The following HPSE2 variants were observed in gnomAD, a reference collection of about 807,000 sequenced individuals.
The protein encoded by HPSE2 is inactive heparanase-2.
HPSE2 carries 38 observed loss-of-function variants against 60.5 expected under a neutral mutation model. The observed-to-expected ratio is 0.63, with a 90% confidence interval of 0.48 to 0.82. The LOEUF (loss-of-function observed/expected upper bound fraction) is 0.82, where lower values mean the gene tolerates loss of function less well. HPSE2 is among the 40% of genes least tolerant of loss of function. HPSE2 has a pLI of 0.00. For missense variants in HPSE2, 713 were observed against 740.4 expected, an observed-to-expected ratio of 0.96 and a Z score of 0.43; for synonymous variants, 295 against 293.2, an observed-to-expected ratio of 1.01 and a Z score of -0.06.
At chr10:99,188,462 G>A (rs1187131965) in intron 2 of HPSE2, among the ~76,000 whole-genome samples, 1 of 152,182 alleles carries the variant, frequency 6.6e-6, no homozygotes, top group Non-Finnish European at 1.5e-5. Flanking sequence ...AAGAGGAGGA[G>A]AAGGAACAGG....
chr10:98,690,646 T>C (rs1948054739), intron 6 of HPSE2, among the ~76,000 whole-genome samples: 1 of 152,192 alleles, frequency 6.6e-6, no homozygotes, highest in South Asian at 2.1e-4. Context: ...TACTTTCCTT[T>C]GGTTTCTGCC....
At chr10:98,544,555 C>CA (rs1223171789) in intron 9 of HPSE2, among the ~76,000 whole-genome samples, 26 of 150,526 alleles carry the variant, frequency 1.7e-4, no homozygotes, top group Admixed American at 1.5e-3. Flanking sequence ...CTAAAAAACA[C>CA]AAAAAAAATT....
At chr10:98,679,232 C>T (rs1947722975) in intron 6 of HPSE2, among the ~76,000 whole-genome samples, 1 of 152,182 alleles carries the variant, frequency 6.6e-6, no homozygotes, top group African/African-American at 2.4e-5. Context: ...AGATTCCCAT[C>T]CTCACTCTAC....
At chr10:98,533,409 T>A (rs897751790) in intron 9 of HPSE2, among the ~76,000 whole-genome samples, 1 of 152,226 alleles carries the variant, frequency 6.6e-6, no homozygotes, top group Non-Finnish European at 1.5e-5. Flanking sequence ...TGGAACACAG[T>A]GTTTATGTTT....
At chr10:99,104,181 A>G (rs900732307) in intron 3 of HPSE2, among the ~76,000 whole-genome samples, 1 of 152,226 alleles carries the variant, frequency 6.6e-6, no homozygotes, top group Non-Finnish European at 1.5e-5. Flanking sequence ...AGAAACTACC[A>G]TCAGAGTGAA....
At chr10:99,264,333 C>T in the HPSE2 span, among the ~76,000 whole-genome samples, 52 of 152,198 alleles carry the variant, frequency 3.4e-4, no homozygotes, top group South Asian at 2.3e-3. Flanking sequence ...GTGATCCGCC[C>T]GCCTCAGCCT....
At chr10:99,100,795 C>T (rs1843937490) in intron 3 of HPSE2, among the ~76,000 whole-genome samples, 2 of 152,148 alleles carry the variant, frequency 1.3e-5, no homozygotes, top group African/African-American at 4.8e-5. Flanking sequence ...GCAGATCTCT[C>T]GTCAGAAACT....
chr10:99,113,196 A>G (rs1053217671), intron 3 of HPSE2, among the ~76,000 whole-genome samples: 10 of 152,308 alleles, frequency 6.6e-5, no homozygotes, highest in African/African-American at 2.2e-4. Flanking sequence ...ATTCAATAAT[A>G]TTAGCTAATC....
intron 3 of HPSE2, among the ~76,000 whole-genome samples, chr10:99,106,044 T>A (rs1844235349): frequency 6.6e-6 from 1 of 152,108 alleles, no homozygotes; most frequent in Admixed American, 6.6e-5. Flanking sequence ...GTAGTAAAAA[T>A]TTTCTAAATT....
chr10:98,605,404 G>T (rs998088690), intron 9 of HPSE2, among the ~76,000 whole-genome samples: 31 of 152,252 alleles, frequency 2.0e-4, no homozygotes, highest in South Asian at 2.1e-4. Flanking sequence ...CTAAAACAGT[G>T]CTTTGTTTTA....
At chr10:98,955,403 A>G (rs952628451) in intron 3 of HPSE2, among the ~76,000 whole-genome samples, 2 of 152,194 alleles carry the variant, frequency 1.3e-5, no homozygotes, top group Non-Finnish European at 2.9e-5. Flanking sequence ...CAAAACCACA[A>G]TGAGATACCA....
chr10:98,917,462 A>G (rs1048514166), intron 3 of HPSE2, among the ~76,000 whole-genome samples: 1 of 152,224 alleles, frequency 6.6e-6, no homozygotes, highest in Non-Finnish European at 1.5e-5. Flanking sequence ...TCTGAAACAG[A>G]TAATTCTGAA....
chr10:98,495,199 C>A (rs977729499), intron 9 of HPSE2, among the ~76,000 whole-genome samples: 7 of 151,688 alleles, frequency 4.6e-5, no homozygotes, highest in Non-Finnish European at 1.0e-4. Context: ...TAGCACTTTG[C>A]ATATATTGGC....
chr10:98,819,743 A>C (rs1361850237), intron 3 of HPSE2, among the ~76,000 whole-genome samples: 2 of 152,170 alleles, frequency 1.3e-5, no homozygotes, highest in African/African-American at 4.8e-5. Flanking sequence ...AAATTGACCC[A>C]AACAAGCCCC....
intron 11 of HPSE2, among the ~76,000 whole-genome samples, chr10:98,469,037 G>A (rs749094281): frequency 1.3e-5 from 2 of 152,186 alleles, no homozygotes; most frequent in Non-Finnish European, 2.9e-5. Context: ...TTGTAGGCAA[G>A]TTGTTAGGGA....
chr10:98,471,015 T>G (rs937514953), intron 11 of HPSE2, among the ~76,000 whole-genome samples: 1 of 152,218 alleles, frequency 6.6e-6, no homozygotes, highest in Non-Finnish European at 1.5e-5. Flanking sequence ...CACAGTGATC[T>G]CCACATTAGT....
chr10:98,580,920 ATTAT>A (rs1944780517), intron 9 of HPSE2, among the ~76,000 whole-genome samples: 1 of 149,688 alleles, frequency 6.7e-6, no homozygotes, highest in African/African-American at 2.5e-5. Flanking sequence ...CATTATTAAA[ATTAT>A]TTGATAATTA....
At chr10:98,661,151 G>T (rs1363638248) in intron 6 of HPSE2, among the ~76,000 whole-genome samples, 1 of 152,226 alleles carries the variant, frequency 6.6e-6, no homozygotes, top group East Asian at 1.9e-4. Flanking sequence ...AGGCTGAGAA[G>T]ACAGAGAGGC....
chr10:99,153,260 G>A (rs1268457378), intron 2 of HPSE2, among the ~76,000 whole-genome samples: 1 of 152,138 alleles, frequency 6.6e-6, no homozygotes, highest in African/African-American at 2.4e-5. Context: ...ACAGCTCAAG[G>A]AGACCTGCCT....
Sources: gnomAD v4.1 joint callset for allele counts (sites outside exome capture counted in the v4.1 genomes callset) on GRCh38, gnomAD v4.1.1 for gene constraint, MANE v1.5 for transcripts, NCBI Gene and HGNC (gene_info 2026-07-23, HGNC 2026-07-21) for gene names.